Variants in NAV2 observed in about 807,000 individuals in gnomAD.
NAV2 encodes helicase, APC down-regulated 1.
A neutral mutation model predicts 223.2 loss-of-function variants in NAV2; 54 were observed. The observed-to-expected ratio is 0.24, with a 90% confidence interval of 0.19 to 0.30. The LOEUF (loss-of-function observed/expected upper bound fraction) is 0.30. Ranked by LOEUF, NAV2 falls within the 10% of genes least tolerant of loss-of-function variation. The pLI, the probability that NAV2 is intolerant of heterozygous loss-of-function variation, is 1.00. For missense variants in NAV2, 2,806 were observed against 3,147.5 expected, an observed-to-expected ratio of 0.89 and a Z score of 2.60; for synonymous variants, 1,279 against 1,239.3, an observed-to-expected ratio of 1.03 and a Z score of -0.67.
At chr11:19,679,565 A>T (rs1458603617) in intron 1 of NAV2, among the ~76,000 whole-genome samples, 2 of 152,058 alleles carry the variant, frequency 1.3e-5, no homozygotes, top group Non-Finnish European at 2.9e-5. Flanking sequence ...GAGAGAGATG[A>T]TTCTATATCC....
chr11:19,995,661 G>A (rs547891288), intron 11 of NAV2, among the ~76,000 whole-genome samples: 16 of 152,188 alleles, frequency 1.1e-4, no homozygotes, highest in African/African-American at 3.9e-4. Flanking sequence ...GGAGAGTGGT[G>A]GGGTCTTGGA....
chr11:19,617,399 C>T (rs760272615), intron 1 of NAV2, among the ~76,000 whole-genome samples: 10 of 152,072 alleles, frequency 6.6e-5, no homozygotes, highest in Non-Finnish European at 8.8e-5. Flanking sequence ...AGTAATCAGC[C>T]CTCTGTGGGT....
chr11:19,878,166 C>T (rs2062973847), intron 4 of NAV2, among the ~76,000 whole-genome samples: 1 of 152,274 alleles, frequency 6.6e-6, no homozygotes, highest in Admixed American at 6.5e-5. Flanking sequence ...AACTGTGGTC[C>T]TGGTATAATT....
At chr11:19,787,392 A>G (rs2057211461) in intron 1 of NAV2, among the ~76,000 whole-genome samples, 2 of 149,454 alleles carry the variant, frequency 1.3e-5, no homozygotes, top group African/African-American at 2.5e-5. Context: ...TTGGGATTAC[A>G]GACGTGAACC....
intron 1 of NAV2, among the ~76,000 whole-genome samples, chr11:19,719,455 G>C (rs1008410242): frequency 2.0e-5 from 3 of 152,164 alleles, no homozygotes; most frequent in Non-Finnish European, 4.4e-5. Context: ...CTAAACTTCA[G>C]TTTTGTCATC....
intron 16 of NAV2, 21 bp from the exon 17 acceptor site, chr11:20,051,268 T>C (rs1352291286): frequency 6.2e-7 from 1 of 1,612,762 alleles, no homozygotes. Flanking sequence ...AGTTCTTATT[T>C]TTGTTTTAAC....
At chr11:19,523,152 T>C (rs2043725092) in intron 1 of NAV2, among the ~76,000 whole-genome samples, 1 of 152,244 alleles carries the variant, frequency 6.6e-6, no homozygotes, top group Admixed American at 6.5e-5. Context: ...AAGCTGAAGC[T>C]TGTGCTGCTC....
chr11:19,777,098 C>CG (rs1380630241), intron 1 of NAV2, among the ~76,000 whole-genome samples: 1 of 150,812 alleles, frequency 6.6e-6, no homozygotes, highest in Non-Finnish European at 1.5e-5. Context: ...CGCCGACCCC[C>CG]CCCCCCACCC....
At chr11:19,464,291 G>A (rs1286962987) in intron 1 of NAV2, among the ~76,000 whole-genome samples, 1 of 152,164 alleles carries the variant, frequency 6.6e-6, no homozygotes, top group Non-Finnish European at 1.5e-5. Context: ...TGAGGGGCTG[G>A]GGCCCGGAAA....
At position 19,946,445 on chromosome 11, in the gene NAV2, G is replaced by A. The variant is rs560138430; in HGVS notation, c.2191G>A (p.Ala731Thr). The change falls in exon 9 of 38, where the codon GCT becomes ACT. Residue 731 changes from alanine to threonine, a missense_variant. Ala to Thr is a moderately conservative substitution (Grantham distance 58). Coordinates refer to ENST00000349880, the MANE Select transcript of NAV2 (RefSeq NM_145117.5). Reference sequence around the variant, plus strand: ...GCGGCTGCGGACAGTGAAGAACATCGCTGATCTGCGGCAGAATTTGGAGGA... The same window carrying A: ...GCGGCTGCGGACAGTGAAGAACATCACTGATCTGCGGCAGAATTTGGAGGA... ...ARRLRTVKNIADLRQNLEETM... is the reference protein window; with the variant it reads ...ARRLRTVKNITDLRQNLEETM... 9 of 1,613,722 alleles carry A rather than the reference G, an allele frequency of 5.6e-6. No individual in the cohort carries two copies. Among genetic ancestry groups the A allele is most frequent in the African/African-American group, 5.3e-5 (4 of 75,030 alleles).
intron 1 of NAV2, among the ~76,000 whole-genome samples, chr11:19,688,690 A>T (rs2049088102): frequency 6.6e-6 from 1 of 152,118 alleles, no homozygotes; most frequent in Admixed American, 6.5e-5. Flanking sequence ...CTCTCCTACT[A>T]AGAGAGCTTT....
At chr11:19,631,160 G>A (rs1435747374) in intron 1 of NAV2, among the ~76,000 whole-genome samples, 1 of 150,908 alleles carries the variant, frequency 6.6e-6, no homozygotes, top group South Asian at 2.1e-4. Flanking sequence ...CAATGTGCAG[G>A]TTAGTTACAT....
intron 25 of NAV2, among the ~76,000 whole-genome samples, chr11:20,082,101 A>C (rs1012604379): frequency 6.6e-6 from 1 of 152,194 alleles, no homozygotes; most frequent in African/African-American, 2.4e-5. Flanking sequence ...TGACATGGCT[A>C]ATTTGCTGCT....
chr11:19,597,733 C>T (rs1377502043), intron 1 of NAV2, among the ~76,000 whole-genome samples: 1 of 152,250 alleles, frequency 6.6e-6, no homozygotes, highest in Admixed American at 6.5e-5. Flanking sequence ...CATGCCCAAG[C>T]TGCGGAAGTC....
At chr11:19,445,815 G>T (rs1376520315) in intron 1 of NAV2, among the ~76,000 whole-genome samples, 3 of 149,688 alleles carry the variant, frequency 2.0e-5, no homozygotes, top group Non-Finnish European at 4.4e-5. Flanking sequence ...CATGTGCCAG[G>T]TACCATATTA....
At chr11:19,415,869 A>G (rs2702625) in intron 1 of NAV2, among the ~76,000 whole-genome samples, 131,886 of 152,084 alleles carry the variant, frequency 0.87, 57,852 homozygotes, top group East Asian at 0.94. Context: ...GTAGATGCAG[A>G]AAAGGCCTTC....
At chr11:19,687,015 G>T (rs2049042790) in intron 1 of NAV2, among the ~76,000 whole-genome samples, 1 of 152,220 alleles carries the variant, frequency 6.6e-6, no homozygotes, top group African/African-American at 2.4e-5. Context: ...CACATGACTA[G>T]AAAGTGGCAG....
At chr11:19,926,220 T>A (rs946816377) in intron 6 of NAV2, among the ~76,000 whole-genome samples, 10 of 152,250 alleles carry the variant, frequency 6.6e-5, no homozygotes, top group African/African-American at 2.4e-4. Context: ...ATCCTTATTC[T>A]AGCTTAGACT....
intron 1 of NAV2, among the ~76,000 whole-genome samples, chr11:19,628,388 G>T (rs956564022): frequency 4.6e-5 from 7 of 152,222 alleles, no homozygotes; most frequent in African/African-American, 1.7e-4. Flanking sequence ...GAAGACACCA[G>T]AGCAGAGGTG....
Sources: gnomAD v4.1 joint callset for allele counts (sites outside exome capture counted in the v4.1 genomes callset) on GRCh38, gnomAD v4.1.1 for gene constraint, MANE v1.5 for transcripts, NCBI Gene and HGNC (gene_info 2026-07-23, HGNC 2026-07-21) for gene names.